VWA5A: variants seen among roughly 807,000 people sequenced by gnomAD.
VWA5A encodes the protein von Willebrand factor A domain-containing protein 5A.
In VWA5A, 77 loss-of-function variants were observed where a neutral mutation model predicts 84.6. The ratio of observed to expected loss-of-function variants is 0.91; its 90% CI spans 0.76 to 1.10. The LOEUF (loss-of-function observed/expected upper bound fraction) is 1.10, where lower values mean the gene tolerates loss of function less well. Among genes scored for constraint, VWA5A ranks in the 50% least tolerant of loss-of-function variants. The probability of loss-of-function intolerance (pLI) is 0.00; values close to 1 mark genes in which losing one functional copy is unlikely to be tolerated. For synonymous variants in VWA5A, 334 were observed against 350.1 expected (o/e 0.95, Z 0.51); for missense variants, 973 against 963.0 (o/e 1.01, Z -0.14).
Position 124,137,088 on chromosome 11 carries a change from A to G in VWA5A, c.1699A>G (p.Ser567Gly). Residue 567 changes from serine (S) to glycine (G), a missense_variant, in exon 15 of 19, where the codon AGT becomes GGT. By Grantham distance (56) the Ser-to-Gly change is moderately conservative. Transcript: ENST00000456829. ...KDMGLRETPA[S>G]DKKDALNLSL... is the part of the protein sequence containing the mutation. ...CATGGGCCTCAGGGAGACTCCAGCA[A>G]GTGATAAAAAAGATGCATTGAACCT... The G allele has an allele frequency of 6.2e-7, 1 of 1,613,590 alleles. No homozygotes were observed. Among genetic ancestry groups the G allele is most frequent in the Admixed American group, 1.7e-5 (1 of 59,950 alleles).
At position 124,141,738 on chromosome 11, in the gene VWA5A, C is replaced by A; in HGVS notation, c.2020C>A (p.Pro674Thr). The A allele has an allele frequency of 6.2e-7, 1 of 1,613,826 alleles. No individual in the cohort carries two copies. Among genetic ancestry groups the A allele is most frequent in the South Asian group, 1.1e-5 (1 of 91,018 alleles). The part of the protein sequence containing the change: ...GLISHKDQHS[P>T]GFGENHLVQL... ...GATAAGTCACAAGGACCAGCACAGT[C>A]CAGGTGAGTACCTTTATAGGAACAT... Residue 674 changes from proline to threonine, a missense_variant, in exon 16 of 19, where the codon CCA (proline) becomes ACA (threonine). By Grantham distance (38) the Pro-to-Thr change is conservative (BLOSUM62 -1). Transcript: ENST00000456829.
Position 124,137,045 on chromosome 11 carries a change from C to T in VWA5A, c.1656C>T (p.Ser552=). ...NLTIHRLAAK[S]LLQTKDMGLR... ...CCATTCACCGCCTTGCTGCCAAGTCCTTGCTCCAGACCAAGGACATGGGCC... is the reference window on the plus strand; with the variant it reads ...CCATTCACCGCCTTGCTGCCAAGTCTTTGCTCCAGACCAAGGACATGGGCC... Residue 552 remains serine, a synonymous_variant, in exon 15 of 19, where the codon TCC becomes TCT. Transcript: ENST00000456829. The T allele has an allele frequency of 3.1e-6, 5 of 1,612,554 alleles. No individual in the cohort carries two copies. The highest frequency in any genetic ancestry group is 4.2e-6 in the Non-Finnish European group (5 of 1,179,696).
chr11:124,124,361 A>G (rs1304043283), intron 11 of VWA5A, 45 bp downstream of exon 11: 1 of 1,605,224 alleles, frequency 6.2e-7, no homozygotes, highest in South Asian at 1.1e-5. Flanking sequence ...CTGAGTAGTG[A>G]CACACAGACT....
intron 11 of VWA5A, among the ~76,000 whole-genome samples, chr11:124,127,525 A>C (rs1414704752): frequency 6.6e-6 from 1 of 152,206 alleles, no homozygotes; most frequent in East Asian, 1.9e-4. Context: ...ATTTGGGTAT[A>C]TATCCAGTAA....
Position 124,142,499 on chromosome 11 carries a change from G to T in VWA5A, c.2081G>T (p.Trp694Leu). The stretch of plus-strand genomic sequence containing the variant: ...TACCACCAAAATGCAAATGGTTCCT[G>T]GGATCTGAATGAAGATCTAGCCAAG... ...LIYHQNANGS[W>L]DLNEDLAKIL... Residue 694 changes from tryptophan to leucine, a missense_variant, in exon 17 of 19, where the codon TGG (tryptophan) becomes TTG (leucine). Transcript: ENST00000456829. 1 of 1,614,142 alleles carries T rather than the reference G, an allele frequency of 6.2e-7. No homozygotes were observed. The highest frequency in any genetic ancestry group is 8.5e-7 in the Non-Finnish European group (1 of 1,180,014).
intron 17 of VWA5A, among the ~76,000 whole-genome samples, chr11:124,144,811 A>G (rs532524574): frequency 6.6e-6 from 1 of 152,264 alleles, no homozygotes; most frequent in East Asian, 1.9e-4. Context: ...CATTTTGTTA[A>G]TACTTCTATA....
intron 11 of VWA5A, chr11:124,124,632 A>G (rs1864989429): frequency 2.0e-6 from 2 of 978,794 alleles, no homozygotes; most frequent in Non-Finnish European, 2.5e-6. Context: ...CACAAATTAT[A>G]AGCATACAAC....
In VWA5A at chr11:124,117,726, G is replaced by T. The variant is rs1403300019; in HGVS notation, c.97G>T (p.Val33Leu). 6.2e-7 allele frequency: 1 copy of T among 1,614,108 alleles called. No individual in the cohort carries two copies. Among genetic ancestry groups the T allele is most frequent in the Non-Finnish European group, 8.5e-7 (1 of 1,180,058 alleles). The change falls in exon 4 of 19, where the codon GTG (valine) becomes TTG (leucine). Residue 33 changes from valine to leucine, a missense_variant. Physicochemically the swap from Val to Leu is conservative, Grantham distance 32 (BLOSUM62 1). Coordinates refer to ENST00000456829, the MANE Select transcript of VWA5A (RefSeq NM_001130142.2). ...GAACATTTACGAGTTTGTGGCTGGT[G>T]TGTCTGCAACTTTGAACTACGAGAA... ...SVNIYEFVAG[V>L]SATLNYENEE... is the part of the protein sequence containing the mutation.
At position 124,123,227 on chromosome 11, in the gene VWA5A, C is replaced by T. The variant is rs1313952550; in HGVS notation, c.930+98C>T. ...CTATCTGGAGCCTGAGAGAGCAGCACGACCACCCTGAGGCTAGCCTTGGAA... is the reference window on the plus strand; with the variant it reads ...CTATCTGGAGCCTGAGAGAGCAGCATGACCACCCTGAGGCTAGCCTTGGAA... On this transcript the variant is annotated intron_variant, in intron 8 of 18. Transcript: ENST00000456829. 17 of 1,528,298 alleles carry T rather than the reference C, an allele frequency of 1.1e-5. No homozygotes were observed. The East Asian group carries it at 1.1e-4, about 10-fold the overall frequency. 94.7% of individuals were successfully genotyped at this position (1,528,298 alleles called of 1,614,324 possible).
chr11:124,123,019 C>T lies in VWA5A; in HGVS notation c.820C>T (p.Gln274Ter). ...TTTCTATCCAAATATCCCAGAAGAT[C>T]AACCATCAAATACCTGTGGAGAGTT... ...VSFYPNIPED[Q>*]PSNTCGEFIF... The change falls in exon 8 of 19, where the codon CAA becomes TAA. Residue 274 changes from glutamine (Q) to a stop codon, truncating the protein, a stop_gained. Coordinates refer to ENST00000456829, the MANE Select transcript of VWA5A (RefSeq NM_001130142.2). LOFTEE classifies it high-confidence loss of function. 4 of 1,614,130 alleles carry T rather than the reference C, an allele frequency of 2.5e-6. No individual in the cohort carries two copies. The highest frequency in any genetic ancestry group is 3.4e-6 in the Non-Finnish European group (4 of 1,180,016).
In VWA5A at chr11:124,142,444, T is replaced by G. The variant is rs990110094; in HGVS notation, c.2026T>G (p.Phe676Val). The part of the protein sequence containing the change: ...ISHKDQHSPG[F>V]GENHLVQLIY... The stretch of plus-strand genomic sequence containing the variant: ...TTCTCTTTTCTTTCTCCTCAAAGGC[T>G]TTGGAGAGAATCACCTTGTGCAGCT... The change falls in exon 17 of 19, where the codon TTT becomes GTT. Residue 676 changes from phenylalanine to valine, a missense_variant and splice_region_variant. Physicochemically the swap from Phe to Val is conservative, Grantham distance 50. Transcript: ENST00000456829. The G allele has an allele frequency of 2.5e-6, 4 of 1,614,032 alleles. No individual in the cohort carries two copies. Among genetic ancestry groups the G allele is most frequent in the Non-Finnish European group, 3.4e-6 (4 of 1,180,020 alleles).
At chr11:124,130,248 T>C (rs192184167) in intron 11 of VWA5A, among the ~76,000 whole-genome samples, 35 of 152,342 alleles carry the variant, frequency 2.3e-4, no homozygotes, top group Non-Finnish European at 4.4e-4. Flanking sequence ...CCAGTGGTCA[T>C]TCAGGAGCAG....
chr11:124,121,757 A>C (rs1271528611), intron 7 of VWA5A, among the ~76,000 whole-genome samples: 1 of 152,236 alleles, frequency 6.6e-6, no homozygotes. Context: ...ATTATAGTAG[A>C]TAATCCACAT....
intron 17 of VWA5A, among the ~76,000 whole-genome samples, chr11:124,144,045 C>T (rs1268288210): frequency 6.6e-6 from 1 of 151,822 alleles, no homozygotes; most frequent in African/African-American, 2.4e-5. Flanking sequence ...TCTGGAGGTC[C>T]ACAGTTTCAA....
chr11:124,135,808 G>A (rs1368738058), intron 12 of VWA5A, among the ~76,000 whole-genome samples: 1 of 151,704 alleles, frequency 6.6e-6, no homozygotes, highest in African/African-American at 2.4e-5. Context: ...GGGATTACAG[G>A]CGTGAGCCAC....
At chr11:124,141,769 C>T in intron 16 of VWA5A, 28 bp downstream of exon 16, 1 of 1,609,010 alleles carries the variant, frequency 6.2e-7, no homozygotes, top group East Asian at 2.2e-5. Context: ...AACATTTTCT[C>T]AACAATGTTT....
intron 16 of VWA5A, 123 bp downstream of exon 16, chr11:124,141,864 C>T: frequency 7.5e-7 from 1 of 1,327,620 alleles, no homozygotes; most frequent in East Asian, 2.4e-5. Flanking sequence ...AAGGGACCCC[C>T]CATGCATTGG....
At chr11:124,142,421 C>T in intron 16 of VWA5A, 21 bp from the exon 17 acceptor site, 4 of 1,613,126 alleles carry the variant, frequency 2.5e-6, no homozygotes, top group Non-Finnish European at 2.5e-6. Flanking sequence ...TCTCATTCTT[C>T]TCTTTTCTTT....
At chr11:124,142,834 A>C (rs539822103) in intron 17 of VWA5A, among the ~76,000 whole-genome samples, 1 of 152,306 alleles carries the variant, frequency 6.6e-6, no homozygotes, top group South Asian at 2.1e-4. Flanking sequence ...CTTCCACTTT[A>C]ATCGTATTCC....
Sources: allele counts gnomAD v4.1 joint callset (sites outside exome capture counted in the v4.1 genomes callset), GRCh38; gene constraint gnomAD v4.1.1; transcripts MANE v1.5; gene names NCBI Gene and HGNC (gene_info 2026-07-23, HGNC 2026-07-21).